Variants in RPS6KC1 observed in about 807,000 individuals in gnomAD.
RPS6KC1 encodes the protein ribosomal protein S6 kinase C1, also known as inactive ribosomal protein S6 kinase delta-1.
RPS6KC1 carries 54 observed loss-of-function variants against 103.8 expected under a neutral mutation model. The observed-to-expected ratio is 0.52, with a 90% CI of 0.42 to 0.65. The LOEUF is 0.65. Among genes scored for constraint, RPS6KC1 ranks in the 30% least tolerant of loss-of-function variants. RPS6KC1 has a pLI of 0.00. For missense variants in RPS6KC1, 1,151 were observed against 1,253.8 expected (o/e 0.92, Z 1.24); for synonymous variants, 439 against 438.7 (o/e 1.00, Z -0.01).
chr1:213,678,748 G>A, the RPS6KC1 span, among the ~76,000 whole-genome samples: 1 of 152,154 alleles, frequency 6.6e-6, no homozygotes, highest in Non-Finnish European at 1.5e-5. Context: ...GAAACTTTAA[G>A]CCTGAACTTG....
chr1:213,573,163 A>G, the RPS6KC1 span, among the ~76,000 whole-genome samples: 1 of 152,130 alleles, frequency 6.6e-6, no homozygotes, highest in Non-Finnish European at 1.5e-5. Context: ...TCTATTACAC[A>G]TGCTAGGGTT....
the RPS6KC1 span, among the ~76,000 whole-genome samples, chr1:213,305,973 T>C: frequency 6.6e-6 from 1 of 152,208 alleles, no homozygotes; most frequent in Non-Finnish European, 1.5e-5. Context: ...TTCATTACCG[T>C]TATTAGGATA....
At chr1:213,696,744 G>A in the RPS6KC1 span, among the ~76,000 whole-genome samples, 1 of 152,090 alleles carries the variant, frequency 6.6e-6, no homozygotes, top group Admixed American at 6.5e-5. Flanking sequence ...AAAAACCAAA[G>A]TGTTTTTTCC....
At chr1:213,413,779 T>C in the RPS6KC1 span, among the ~76,000 whole-genome samples, 1 of 152,124 alleles carries the variant, frequency 6.6e-6, no homozygotes, top group Non-Finnish European at 1.5e-5. Flanking sequence ...GCTCTATCAG[T>C]GGAAAAGACC....
the RPS6KC1 span, among the ~76,000 whole-genome samples, chr1:213,336,376 A>G: frequency 6.6e-6 from 1 of 152,234 alleles, no homozygotes; most frequent in Non-Finnish European, 1.5e-5. Flanking sequence ...GACATTGCAC[A>G]GGTCCCAAGC....
At chr1:213,260,117 T>C (rs558226132) in intron 12 of RPS6KC1, among the ~76,000 whole-genome samples, 6 of 152,336 alleles carry the variant, frequency 3.9e-5, no homozygotes, top group Admixed American at 2.6e-4. Context: ...TATTGTTAGG[T>C]AGTTCTCAAT....
intron 8 of RPS6KC1, among the ~76,000 whole-genome samples, chr1:213,195,846 G>GTGTGTA (rs553713944): frequency 7.3e-5 from 11 of 150,836 alleles, no homozygotes; most frequent in African/African-American, 2.7e-4. Flanking sequence ...GTGTGTGTGT[G>GTGTGTA]TATATATATA....
chr1:213,271,893 A>G (rs2095056178), intron 14 of RPS6KC1, among the ~76,000 whole-genome samples: 1 of 152,202 alleles, frequency 6.6e-6, no homozygotes, highest in African/African-American at 2.4e-5. Flanking sequence ...CCTTCAGTAA[A>G]GTTGTTAACA....
intron 5 of RPS6KC1, among the ~76,000 whole-genome samples, chr1:213,126,442 T>G (rs2084999413): frequency 6.6e-6 from 1 of 152,014 alleles, no homozygotes. Flanking sequence ...TGAAAAAAAG[T>G]TGAAAATGAG....
At chr1:213,778,091 G>T in the RPS6KC1 span, among the ~76,000 whole-genome samples, 1 of 152,130 alleles carries the variant, frequency 6.6e-6, no homozygotes, top group Non-Finnish European at 1.5e-5. Flanking sequence ...TGCCACAGCT[G>T]CCCTCTCCCC....
At chr1:213,334,817 A>G in the RPS6KC1 span, among the ~76,000 whole-genome samples, 1 of 152,162 alleles carries the variant, frequency 6.6e-6, no homozygotes, top group East Asian at 1.9e-4. Flanking sequence ...ATCTATATTT[A>G]TCTATCCATT....
the RPS6KC1 span, among the ~76,000 whole-genome samples, chr1:213,563,972 C>CTTTTTTTTTTTT: frequency 9.7e-5 from 13 of 134,392 alleles, no homozygotes; most frequent in South Asian, 2.4e-4. Flanking sequence ...TTGCTTACCT[C>CTTTTTTTTTTTT]TTTTTTTTTT....
At chr1:213,639,416 T>C in the RPS6KC1 span, among the ~76,000 whole-genome samples, 1 of 152,196 alleles carries the variant, frequency 6.6e-6, no homozygotes, top group Middle Eastern at 3.4e-3. Context: ...TAGATGGACA[T>C]CCTAGTTTAC....
chr1:213,806,069 A>G, the RPS6KC1 span, among the ~76,000 whole-genome samples: 1 of 152,222 alleles, frequency 6.6e-6, no homozygotes, highest in African/African-American at 2.4e-5. Flanking sequence ...ATGGCGGCTC[A>G]TGCCTGTAAT....
the RPS6KC1 span, among the ~76,000 whole-genome samples, chr1:213,707,902 T>C: frequency 5.3e-5 from 8 of 152,338 alleles, no homozygotes; most frequent in African/African-American, 1.9e-4. Flanking sequence ...TTAGTCTATA[T>C]ATCTGTTTTG....
chr1:213,721,582 A>G, the RPS6KC1 span, among the ~76,000 whole-genome samples: 1 of 152,152 alleles, frequency 6.6e-6, no homozygotes, highest in African/African-American at 2.4e-5. Flanking sequence ...GTCCAGTCTC[A>G]GGTATGTCTT....
the RPS6KC1 span, among the ~76,000 whole-genome samples, chr1:213,377,871 C>T: frequency 6.6e-6 from 1 of 152,160 alleles, no homozygotes; most frequent in East Asian, 1.9e-4. Flanking sequence ...TCTTGACAAA[C>T]CTTGAATAAA....
chr1:213,538,064 C>T, the RPS6KC1 span, among the ~76,000 whole-genome samples: 1 of 152,130 alleles, frequency 6.6e-6, no homozygotes, highest in African/African-American at 2.4e-5. Context: ...CTGGAACTCC[C>T]AGGAGTCTTT....
the RPS6KC1 span, among the ~76,000 whole-genome samples, chr1:213,559,451 G>T: frequency 6.6e-6 from 1 of 152,210 alleles, no homozygotes; most frequent in Non-Finnish European, 1.5e-5. Context: ...ACAGAAGTCA[G>T]TTAGATAAAA....
Sources: gnomAD v4.1 joint callset for allele counts (sites outside exome capture counted in the v4.1 genomes callset) on GRCh38, gnomAD v4.1.1 for gene constraint, MANE v1.5 for transcripts, NCBI Gene and HGNC (gene_info 2026-07-23, HGNC 2026-07-21) for gene names.